The following EHD1 variants were observed in gnomAD, a reference collection of about 807,000 sequenced individuals.
EHD1 encodes the protein EH domain-containing protein 1.
Under a neutral mutation model 39.0 loss-of-function variants are expected in EHD1, and 19 were observed. The observed-to-expected ratio is 0.49, with a 90% CI of 0.34 to 0.72. The LOEUF is 0.72. Among genes scored for constraint, EHD1 ranks in the 30% least tolerant of loss-of-function variants. The pLI is 0.01. For missense variants in EHD1, 542 were observed against 751.5 expected, an observed-to-expected ratio of 0.72 and a Z score of 3.26; for synonymous variants, 323 against 331.2, an observed-to-expected ratio of 0.98 and a Z score of 0.27.
rs1185875402 is a variant in EHD1, at chr11:64,878,345, G to A, written c.120C>T (p.Tyr40=). 3 of 1,614,118 alleles carry A rather than the reference G, an allele frequency of 1.9e-6. No individual in the cohort carries two copies. In the East Asian group the frequency reaches 6.7e-5, roughly 36 times the overall value. The change falls in exon 1 of 5, where the codon TAC becomes TAT. Residue 40 remains tyrosine, a synonymous_variant. Transcript: ENST00000320631. ...CGGGCGAGTGGAACTCGTGGAAGCG[G>A]TAGTGCTCCTCCAGGGGTAGCAGCT... The part of the protein sequence containing the change: ...AQKLLPLEEH[Y]RFHEFHSPAL...
intron 1 of EHD1, 55 bp downstream of exon 1, chr11:64,878,006 A>C: frequency 1.4e-6 from 2 of 1,465,102 alleles, no homozygotes; most frequent in Non-Finnish European, 1.8e-6. Flanking sequence ...TCAGGCTCCG[A>C]GTGAGGGGTG....
In EHD1 at chr11:64,852,522, G is replaced by A. The variant is rs938197163; in HGVS notation, c.*1811C>T. The stretch of plus-strand genomic sequence containing the variant: ...AGCTCCCACCTTGCTCAGGGAAGGG[G>A]GCATCACCCCAGAAACCCTTTTCCC... On this transcript the variant is annotated 3_prime_UTR_variant, in exon 5 of 5. Transcript: ENST00000320631. The A allele has an allele frequency of 1.3e-5, 2 of 152,316 alleles. No individual in the cohort carries two copies. The highest frequency in any genetic ancestry group is 4.8e-5 in the African/African-American group (2 of 41,418). The allele number at this position is 152,316 out of a possible 1,614,324, so 9.4% of individuals were successfully genotyped here.
chr11:64,867,561 A>G (rs1254199114), intron 2 of EHD1, among the ~76,000 whole-genome samples: 1 of 152,150 alleles, frequency 6.6e-6, no homozygotes, highest in Non-Finnish European at 1.5e-5. Context: ...TCTACTAAAA[A>G]TACAAAAATT....
Position 64,853,893 on chromosome 11 carries a change from C to G in EHD1, c.*440G>C. 1 of 173,758 alleles carries G rather than the reference C, an allele frequency of 5.8e-6. No homozygotes were observed. Among genetic ancestry groups the G allele is most frequent in the South Asian group, 1.2e-4 (1 of 8,164 alleles). The allele number at this position is 173,758 out of a possible 1,614,324, so 10.8% of individuals were successfully genotyped here. ...GGAAGGAAGCCACGGTCCCGTGAAG[C>G]AACCTCAGCTCAGAAGCACACGGAG... On this transcript the variant is annotated 3_prime_UTR_variant, in exon 5 of 5. Transcript: ENST00000320631.
At chr11:64,856,662 G>A (rs1943656726) in intron 3 of EHD1, 1 of 152,336 alleles carries the variant, frequency 6.6e-6, no homozygotes. Flanking sequence ...GTGGGGGCCT[G>A]GCTGAGAACT....
chr11:64,874,719 C>G (rs953221819), intron 1 of EHD1, among the ~76,000 whole-genome samples: 1 of 152,210 alleles, frequency 6.6e-6, no homozygotes, highest in African/African-American at 2.4e-5. Context: ...GGAATGCAAC[C>G]AGCAGGCTCA....
At chr11:64,855,634 C>A in intron 3 of EHD1, 148 bp from the exon 4 acceptor site, 5 of 1,092,336 alleles carry the variant, frequency 4.6e-6, no homozygotes, top group African/African-American at 1.6e-5. Context: ...GCCGCTACCA[C>A]CACCGGCTCC....
intron 2 of EHD1, among the ~76,000 whole-genome samples, chr11:64,873,039 G>A (rs560946858): frequency 1.2e-4 from 18 of 152,294 alleles, no homozygotes; most frequent in African/African-American, 4.3e-4. Context: ...TCACCTGCCA[G>A]GTACCAGCCT....
At chr11:64,856,931 C>T (rs1403673236) in intron 3 of EHD1, among the ~76,000 whole-genome samples, 1 of 152,238 alleles carries the variant, frequency 6.6e-6, no homozygotes, top group African/African-American at 2.4e-5. Flanking sequence ...CTTGTCCTGT[C>T]TGTCCTCAAA....
In EHD1 at chr11:64,854,852, G is replaced by A; in HGVS notation, c.1086C>T (p.Leu362=). Reference sequence around the variant, plus strand: ...ACTTGCTGAAGTCCTGGGTCTGCAGGAGTTCCTGTGGGCGGGGGAGGAAGG... The same window carrying A: ...ACTTGCTGAAGTCCTGGGTCTGCAGAAGTTCCTGTGGGCGGGGGAGGAAGG... ...DFPSLRKMQE[L]LQTQDFSKFQ... The change falls in exon 5 of 5, where the codon CTC becomes CTT. Residue 362 remains leucine (L), a synonymous_variant. Coordinates refer to ENST00000320631, the MANE Select transcript of EHD1 (RefSeq NM_006795.4). 3.1e-6 allele frequency: 5 copies of A among 1,597,524 alleles called. No homozygotes were observed. Among genetic ancestry groups the A allele is most frequent in the Non-Finnish European group, 4.2e-6 (5 of 1,178,186 alleles).
At chr11:64,860,409 G>A (rs1180988890) in intron 2 of EHD1, 73 bp from the exon 3 acceptor site, 3 of 1,519,740 alleles carry the variant, frequency 2.0e-6, no homozygotes, top group Middle Eastern at 1.8e-4. Flanking sequence ...TCTCCAACCT[G>A]GCCTGGTATT....
At position 64,856,882 on chromosome 11, in the gene EHD1, T is replaced by C. The variant is rs374851578; in HGVS notation, c.916-1396A>G. ...GTGCCTGGGGCCTGGCAGTCACACA[T>C]GGTCTCACAGACGACCAGGCAGGGG... is the stretch of plus-strand genomic sequence containing the variant. On this transcript the variant is annotated intron_variant, in intron 3 of 4. Coordinates refer to ENST00000320631, the MANE Select transcript of EHD1 (RefSeq NM_006795.4). 1.0e-3 allele frequency among the ~76,000 whole-genome samples: 156 copies of C among 152,298 alleles called. 1 individual carries two copies. In the South Asian group the frequency reaches 0.03, roughly 30 times the overall value.
chr11:64,879,104 CCT>C, upstream of EHD1: 2 of 1,000,044 alleles, frequency 2.0e-6, no homozygotes, highest in Non-Finnish European at 2.4e-6. Flanking sequence ...GGCACCTCCT[CCT>C]CTCAGCCCAG....
chr11:64,875,953 T>A (rs1943881427), intron 1 of EHD1, among the ~76,000 whole-genome samples: 1 of 152,108 alleles, frequency 6.6e-6, no homozygotes, highest in Non-Finnish European at 1.5e-5. Flanking sequence ...AAATGCCTCA[T>A]AAATGAGCCC....
At chr11:64,858,047 T>A (rs1214152579) in intron 3 of EHD1, among the ~76,000 whole-genome samples, 11 of 114,330 alleles carry the variant, frequency 9.6e-5, no homozygotes, top group African/African-American at 1.8e-4. Context: ...TTTTTTTTTT[T>A]AAATTAAATA....
chr11:64,871,189 G>A (rs573964737), intron 2 of EHD1, among the ~76,000 whole-genome samples: 2 of 152,338 alleles, frequency 1.3e-5, no homozygotes, highest in African/African-American at 2.4e-5. Flanking sequence ...TCCAGGGAAC[G>A]GGCTGGCAGG....
intron 1 of EHD1, among the ~76,000 whole-genome samples, chr11:64,877,183 G>C (rs1303729634): frequency 2.0e-5 from 3 of 152,176 alleles, no homozygotes; most frequent in African/African-American, 4.8e-5. Context: ...GGCATGTCTC[G>C]AGTTTCTCTG....
chr11:64,878,365 G>A lies in EHD1; in HGVS notation c.100C>T (p.Leu34=). The part of the protein sequence containing the change: ...GLRQLYAQKL[L]PLEEHYRFHE... ...AAGCGGTAGTGCTCCTCCAGGGGTA[G>A]CAGCTTCTGCGCGTACAGCTGCCGC... The change falls in exon 1 of 5, where the codon CTA becomes TTA. Residue 34 remains leucine (L), a synonymous_variant. Transcript: ENST00000320631. 1 of 1,613,902 alleles carries A rather than the reference G, an allele frequency of 6.2e-7. No individual in the cohort carries two copies. The highest frequency in any genetic ancestry group is 8.5e-7 in the Non-Finnish European group (1 of 1,180,026).
At chr11:64,875,135 G>A (rs575421918) in intron 1 of EHD1, among the ~76,000 whole-genome samples, 83 of 152,360 alleles carry the variant, frequency 5.4e-4, no homozygotes, top group African/African-American at 1.9e-3. Flanking sequence ...CGACTTGCGG[G>A]CCAGGGCTCA....
Sources: allele counts gnomAD v4.1 joint callset (sites outside exome capture counted in the v4.1 genomes callset), GRCh38; gene constraint gnomAD v4.1.1; transcripts MANE v1.5; gene names NCBI Gene and HGNC (gene_info 2026-07-23, HGNC 2026-07-21).